Variants in NMT1 observed in about 807,000 individuals in gnomAD.
NMT1 encodes the protein N-myristoyltransferase 1.
A neutral mutation model predicts 63.4 loss-of-function variants in NMT1; 12 were observed. That is an observed-to-expected ratio of 0.19 (90% confidence interval 0.12 to 0.31). The LOEUF (loss-of-function observed/expected upper bound fraction) is 0.31. Ranked by LOEUF, NMT1 falls within the 10% of genes least tolerant of loss-of-function variation. The probability of loss-of-function intolerance (pLI) is 1.00; values close to 1 mark genes in which losing one functional copy is unlikely to be tolerated. For synonymous variants in NMT1, 228 were observed against 234.3 expected (o/e 0.97, Z 0.25); for missense variants, 432 against 634.6 (o/e 0.68, Z 3.43).
chr17:45,064,288 G>C (rs999073934), intron 1 of NMT1, among the ~76,000 whole-genome samples: 1 of 152,126 alleles, frequency 6.6e-6, no homozygotes, highest in Admixed American at 6.6e-5. Context: ...TTATGGTCTG[G>C]GTGAAAAAAT....
In NMT1 at chr17:45,076,451, G is replaced by GCA. The variant is rs1555605143; in HGVS notation, c.132-5193_132-5192insCA. 1.5e-4 allele frequency among the ~76,000 whole-genome samples: 19 copies of GCA among 128,720 alleles called. 1 individual carries two copies. The East Asian group carries it at 4.0e-3, about 27-fold the overall frequency. The allele number at this position is 128,720 out of a possible 152,430, so 84.4% of individuals were successfully genotyped here. A position where few individuals can be genotyped will look rare whatever the true frequency, so the allele number is the denominator to read the frequency against. On this transcript the variant is annotated intron_variant, in intron 1 of 11. Coordinates refer to ENST00000258960, the MANE Select transcript of NMT1 (RefSeq NM_021079.5). The stretch of plus-strand genomic sequence containing the variant: ...AGCTCAGTGAAAATGACTCATTAAA[G>GCA]AAAAAAAAAAAAAAGTGGCCAGGCA...
intron 5 of NMT1, 94 bp downstream of exon 5, chr17:45,096,379 A>C (rs533353347): frequency 4.2e-6 from 4 of 947,018 alleles, no homozygotes; most frequent in Admixed American, 3.6e-5. Flanking sequence ...CCAGGGGCCA[A>C]CCTTTGAATG....
At chr17:45,067,462 C>A (rs1299914036) in intron 1 of NMT1, among the ~76,000 whole-genome samples, 1 of 152,170 alleles carries the variant, frequency 6.6e-6, no homozygotes, top group Non-Finnish European at 1.5e-5. Flanking sequence ...TTTATAAGTT[C>A]TCCTCATTTC....
intron 3 of NMT1, among the ~76,000 whole-genome samples, chr17:45,088,228 C>A (rs1480593406): frequency 2.6e-5 from 4 of 152,006 alleles, no homozygotes; most frequent in Admixed American, 2.6e-4. Flanking sequence ...GGCTTTGGGC[C>A]ACAGGGTAGG....
intron 6 of NMT1, among the ~76,000 whole-genome samples, 193 bp downstream of exon 6, chr17:45,097,437 C>T (rs1267278990): frequency 1.3e-5 from 2 of 152,056 alleles, no homozygotes; most frequent in Non-Finnish European, 2.9e-5. Context: ...CAGCCAGCTC[C>T]CTTGTTTGTG....
chr17:45,104,758 T>C lies in NMT1; in HGVS notation c.1333-101T>C. 1 of 1,550,790 alleles carries C rather than the reference T, an allele frequency of 6.4e-7. No homozygotes were observed. Among genetic ancestry groups the C allele is most frequent in the South Asian group, 1.2e-5 (1 of 82,264 alleles). On this transcript the variant is annotated intron_variant, in intron 10 of 11. Transcript: ENST00000258960. This position sits in a 1 kb window ranked among gnomAD's most constrained non-coding sequence, Gnocchi z 4.2. ...AGCTTCTGAGGGAACCTTGTTCTTG[T>C]GGCTGCCCACAGGACAGCTTTGAAA...
At chr17:45,074,011 T>C (rs2053960265) in intron 1 of NMT1, among the ~76,000 whole-genome samples, 1 of 152,142 alleles carries the variant, frequency 6.6e-6, no homozygotes, top group Non-Finnish European at 1.5e-5. Flanking sequence ...TCCTGTTGTC[T>C]AGAAGTTCCT....
rs1424233255 is a variant in NMT1 at position 45,108,303 on chromosome 17, G to A, written c.*2664G>A. On this transcript the variant is annotated 3_prime_UTR_variant, in exon 12 of 12. Coordinates refer to ENST00000258960, the MANE Select transcript of NMT1 (RefSeq NM_021079.5). ...GTGTAGGGAGAGAGCTGAGTAGGAG[G>A]CCTCCACTCCGGATCGAGGCCTGTA... is the stretch of plus-strand genomic sequence containing the variant. 6.6e-6 allele frequency: 1 copy of A among 152,204 alleles called. No individual in the cohort carries two copies. Among genetic ancestry groups the A allele is most frequent in the Non-Finnish European group, 1.5e-5 (1 of 68,042 alleles). The allele number at this position is 152,204 out of a possible 1,614,324, so 9.4% of individuals were successfully genotyped here. A position where few individuals can be genotyped will look rare whatever the true frequency, so the allele number is the denominator to read the frequency against.
chr17:45,079,999 C>T (rs1567864798), intron 1 of NMT1, among the ~76,000 whole-genome samples: 1 of 151,974 alleles, frequency 6.6e-6, no homozygotes, highest in Admixed American at 6.6e-5. Flanking sequence ...CGCCCGGCCA[C>T]ATGTTTCTTG....
At position 45,061,370 on chromosome 17, in the gene NMT1, C is replaced by T. The variant is rs1356403688; in HGVS notation, c.41C>T (p.Pro14Leu). The T allele has an allele frequency of 3.7e-6, 6 of 1,613,948 alleles. No individual in the cohort carries two copies. Among genetic ancestry groups the T allele is most frequent in the South Asian group, 1.1e-5 (1 of 91,058 alleles). The change falls in exon 1 of 12, where the codon CCT becomes CTT. Residue 14 changes from proline (P) to leucine (L), a missense_variant. Transcript: ENST00000258960. The stretch of plus-strand genomic sequence containing the variant: ...GAGACAGCAGTGAAGCCGCCGGCAC[C>T]TCCGCTGCCGCAGATGATGGAAGGG... ...ESETAVKPPA[P>L]PLPQMMEGNG...
At chr17:45,077,279 T>G (rs1379405539) in intron 1 of NMT1, among the ~76,000 whole-genome samples, 3 of 152,112 alleles carry the variant, frequency 2.0e-5, no homozygotes, top group Non-Finnish European at 2.9e-5. Context: ...ACCAGCTAAT[T>G]TGTGGTTATG....
chr17:45,104,438 G>A lies in NMT1; in HGVS notation c.1333-421G>A. 9.1e-7 allele frequency: 1 copy of A among 1,099,322 alleles called. No individual in the cohort carries two copies. Among genetic ancestry groups the A allele is most frequent in the Non-Finnish European group, 1.1e-6 (1 of 898,660 alleles). 68.1% of individuals were successfully genotyped at this position (1,099,322 alleles called of 1,614,324 possible). A position where few individuals can be genotyped will look rare whatever the true frequency, so the allele number is the denominator to read the frequency against. On this transcript the variant is annotated intron_variant, in intron 10 of 11. Coordinates refer to ENST00000258960, the MANE Select transcript of NMT1 (RefSeq NM_021079.5). The surrounding 1 kb of genome is among the most constrained non-coding windows in gnomAD (Gnocchi z 4.2). Reference sequence around the variant, plus strand: ...CAGCAGGTGTCATACAACATGAGGTGCACTGAGGGCCTGAGAGTTGGGGCA... The same window carrying A: ...CAGCAGGTGTCATACAACATGAGGTACACTGAGGGCCTGAGAGTTGGGGCA...
intron 1 of NMT1, among the ~76,000 whole-genome samples, chr17:45,063,077 C>T (rs1441753034): frequency 2.0e-5 from 3 of 151,690 alleles, no homozygotes; most frequent in East Asian, 1.9e-4. Flanking sequence ...TGGTGGCGGG[C>T]GCCTGTAGTC....
rs1989803 is a variant in NMT1, at chr17:45,108,124, C to A, written c.*2485C>A. ...CAAAGGAAGGACCCTGAGGCCTTCA[C>A]GCTAACCGTCCTCGAGCAACTGCTG... On this transcript the variant is annotated 3_prime_UTR_variant, in exon 12 of 12. Coordinates refer to ENST00000258960, the MANE Select transcript of NMT1 (RefSeq NM_021079.5). 1 of 152,026 alleles carries A rather than the reference C, an allele frequency of 6.6e-6. No individual in the cohort carries two copies. Among genetic ancestry groups the A allele is most frequent in the South Asian group, 2.1e-4 (1 of 4,820 alleles). The allele number at this position is 152,026 out of a possible 1,614,324, so 9.4% of individuals were successfully genotyped here.
In NMT1 at chr17:45,104,073, A is replaced by G; in HGVS notation, c.1332+197A>G. ...AGGGAACAAGGAGCATCCGAAGTGA[A>G]GGCATTGAACTCCTCCTGATTCATT... On this transcript the variant is annotated intron_variant, in intron 10 of 11. Transcript: ENST00000258960. This position sits in a 1 kb window ranked among gnomAD's most constrained non-coding sequence, Gnocchi z 4.2. The G allele has an allele frequency of 1.3e-6, 2 of 1,511,732 alleles. No homozygotes were observed. Among genetic ancestry groups the G allele is most frequent in the South Asian group, 1.2e-5 (1 of 82,100 alleles). The allele number at this position is 1,511,732 out of a possible 1,614,324, so 93.6% of individuals were successfully genotyped here.
intron 3 of NMT1, among the ~76,000 whole-genome samples, chr17:45,089,502 C>T (rs573864746): frequency 7.9e-5 from 12 of 152,086 alleles, no homozygotes; most frequent in East Asian, 5.8e-4. Flanking sequence ...CCACCACGCC[C>T]GGCTAATTTT....
chr17:45,065,879 CTT>C (rs34320617), intron 1 of NMT1, among the ~76,000 whole-genome samples: 7 of 139,904 alleles, frequency 5.0e-5, no homozygotes, highest in Admixed American at 2.2e-4. Flanking sequence ...TCTCCTGGGC[CTT>C]TTTTTTTTTT....
At position 45,103,082 on chromosome 17, in the gene NMT1, C is replaced by G; in HGVS notation, c.1125C>G (p.Phe375Leu). ...GCCAGGAGGAGGTGGAGCACTGGTT[C>G]TACCCCCAGGAGAATATCATCGACA... ...VMSQEEVEHW[F>L]YPQENIIDTF... is the part of the protein sequence containing the mutation. The change falls in exon 9 of 12, where the codon TTC becomes TTG. Residue 375 changes from phenylalanine (F) to leucine (L), a missense_variant. Physicochemically the swap from Phe to Leu is conservative, Grantham distance 22. This residue lies in a region of NMT1 where 295 missense variants were observed against 489.7 expected (regional missense o/e 0.60). Transcript: ENST00000258960. This position sits in a 1 kb window ranked among gnomAD's most constrained non-coding sequence, Gnocchi z 4.8. 1 of 1,613,882 alleles carries G rather than the reference C, an allele frequency of 6.2e-7. No individual in the cohort carries two copies. Among genetic ancestry groups the G allele is most frequent in the Non-Finnish European group, 8.5e-7 (1 of 1,179,818 alleles).
chr17:45,078,300 T>G (rs2053990382), intron 1 of NMT1, among the ~76,000 whole-genome samples: 1 of 152,088 alleles, frequency 6.6e-6, no homozygotes, highest in African/African-American at 2.4e-5. Context: ...TATATAGAGT[T>G]CAGGTGATGC....
Sources: allele counts gnomAD v4.1 joint callset (sites outside exome capture counted in the v4.1 genomes callset), GRCh38; gene constraint gnomAD v4.1.1; regional missense constraint gnomAD v4.1.1; non-coding constraint Gnocchi (gnomAD v3.1); transcripts MANE v1.5; gene names NCBI Gene and HGNC (gene_info 2026-07-23, HGNC 2026-07-21).